Variants in ESRRB observed in about 807,000 individuals in gnomAD.
ESRRB encodes the protein estrogen related receptor beta, also known as steroid hormone receptor ERR2.
A neutral mutation model predicts 46.0 loss-of-function variants in ESRRB; 16 were observed. That is an observed-to-expected ratio of 0.35 (90% CI 0.24 to 0.53). The LOEUF is 0.53. ESRRB is among the 20% of genes least tolerant of loss of function. The pLI, the probability that ESRRB is intolerant of heterozygous loss-of-function variation, is 0.93. For missense variants in ESRRB, 488 were observed against 607.4 expected (o/e 0.80, Z 2.07); for synonymous variants, 246 against 259.6 (o/e 0.95, Z 0.50).
intron 1 of ESRRB, among the ~76,000 whole-genome samples, chr14:76,338,614 G>T (rs1056394370): frequency 1.3e-5 from 2 of 152,214 alleles, no homozygotes; most frequent in African/African-American, 2.4e-5. Flanking sequence ...AGCTTATTTT[G>T]TGTTCCTTTA....
chr14:76,455,936 C>A (rs1847694534), intron 2 of ESRRB, among the ~76,000 whole-genome samples: 1 of 151,718 alleles, frequency 6.6e-6, no homozygotes, highest in South Asian at 2.1e-4. Flanking sequence ...CCCAGCTACT[C>A]AGGAGGCTGA....
At chr14:76,373,739 C>G (rs1366940696), upstream of ESRRB, among the ~76,000 whole-genome samples, 1 of 152,210 alleles carries the variant, frequency 6.6e-6, no homozygotes. Flanking sequence ...GCTGAGAAGG[C>G]CTAGGTCTCT....
chr14:76,365,574 T>G (rs906430249), intron 1 of ESRRB, among the ~76,000 whole-genome samples: 3 of 152,200 alleles, frequency 2.0e-5, no homozygotes, highest in Non-Finnish European at 4.4e-5. Flanking sequence ...ACACAAAGTG[T>G]GCCTAAGCGA....
rs543066637 is a variant in ESRRB at position 76,475,587 on chromosome 14, CT to C, written c.578-6425del. 2.2e-3 allele frequency among the ~76,000 whole-genome samples: 334 copies of C among 152,250 alleles called. 4 individuals carry two copies. The highest frequency in any genetic ancestry group is 6.8e-3 in the Middle Eastern group (2 of 294). On this transcript the variant is annotated intron_variant, in intron 3 of 6. Coordinates refer to ENST00000644823, the MANE Select transcript of ESRRB (RefSeq NM_001379180.1). ...CCACGGACACTTGGGTTGTTTCCACCTTTTGGCCATTGTGATTATGCTGCAG... is the reference window on the plus strand; with the variant it reads ...CCACGGACACTTGGGTTGTTTCCACCTTTGGCCATTGTGATTATGCTGCAG...
chr14:76,323,015 G>A (rs1595044218), intron 1 of ESRRB, among the ~76,000 whole-genome samples: 1 of 152,298 alleles, frequency 6.6e-6, no homozygotes, highest in East Asian at 1.9e-4. Flanking sequence ...TTCACTTTCT[G>A]TCCAGGGGCT....
rs558005267 is a variant in ESRRB, at chr14:76,379,988, G to A, written c.50+3537G>A. On this transcript the variant is annotated intron_variant, in intron 1 of 6. Coordinates refer to ENST00000644823, the MANE Select transcript of ESRRB (RefSeq NM_001379180.1). Reference sequence around the variant, plus strand: ...GAGAGGAGGGGCAGAGGGGACTTTCGGGGAAAGCACTTCAAAGGAGGTGGC... The same window carrying A: ...GAGAGGAGGGGCAGAGGGGACTTTCAGGGAAAGCACTTCAAAGGAGGTGGC... 6.6e-5 allele frequency among the ~76,000 whole-genome samples: 10 copies of A among 151,934 alleles called. No individual in the cohort carries two copies. In the East Asian group the frequency reaches 1.7e-3, roughly 26 times the overall value.
At chr14:76,441,555 A>T (rs1360975255) in intron 2 of ESRRB, among the ~76,000 whole-genome samples, 1 of 152,108 alleles carries the variant, frequency 6.6e-6, no homozygotes, top group Non-Finnish European at 1.5e-5. Flanking sequence ...CAAATGATCC[A>T]CTTGGGCCCA....
chr14:76,491,763 A>G, intron 6 of ESRRB, 47 bp downstream of exon 6: 4 of 1,525,586 alleles, frequency 2.6e-6, no homozygotes, highest in Non-Finnish European at 3.5e-6. Flanking sequence ...AGGGCTCTGC[A>G]TGGGCCTAAT....
chr14:76,435,311 G>A (rs572802123), intron 1 of ESRRB, among the ~76,000 whole-genome samples: 2 of 152,352 alleles, frequency 1.3e-5, no homozygotes, highest in African/African-American at 4.8e-5. Context: ...CAGAGGCACC[G>A]CAGCAGTGCC....
intron 1 of ESRRB, among the ~76,000 whole-genome samples, chr14:76,333,724 T>G (rs1884092470): frequency 6.6e-6 from 1 of 151,910 alleles, no homozygotes; most frequent in Admixed American, 6.6e-5. Flanking sequence ...GACATATAGG[T>G]AATATTAAAA....
chr14:76,333,445 A>ATTTATATCATATATATATT (rs71122527), intron 1 of ESRRB, among the ~76,000 whole-genome samples: 2 of 130,008 alleles, frequency 1.5e-5, no homozygotes, highest in African/African-American at 2.9e-5. Flanking sequence ...TATATGATAT[A>ATTTATATCATATATATATT]TAAGTATATC....
intron 1 of ESRRB, among the ~76,000 whole-genome samples, chr14:76,409,464 C>T (rs866477335): frequency 1.3e-5 from 2 of 152,148 alleles, no homozygotes; most frequent in East Asian, 1.9e-4. Flanking sequence ...GCCGTGGCGA[C>T]GGTCTTCCTC....
intron 2 of ESRRB, among the ~76,000 whole-genome samples, chr14:76,459,087 T>G (rs1000180091): frequency 1.3e-5 from 2 of 152,142 alleles, no homozygotes; most frequent in African/African-American, 4.8e-5. Context: ...TCAGATGATC[T>G]GACTGCCTGG....
chr14:76,322,738 C>A (rs1047260359), intron 1 of ESRRB, among the ~76,000 whole-genome samples: 3 of 152,156 alleles, frequency 2.0e-5, no homozygotes, highest in African/African-American at 7.2e-5. Flanking sequence ...GGGAGTGAGA[C>A]GTGGGCAGTG....
chr14:76,394,976 G>A (rs1483388859), intron 1 of ESRRB, among the ~76,000 whole-genome samples: 1 of 152,194 alleles, frequency 6.6e-6, no homozygotes, highest in Non-Finnish European at 1.5e-5. Context: ...CTGGCCGTCT[G>A]GGCGAGGTGG....
chr14:76,408,399 C>A (rs1326224102), intron 1 of ESRRB, among the ~76,000 whole-genome samples: 4 of 151,864 alleles, frequency 2.6e-5, no homozygotes, highest in Admixed American at 6.6e-5. Flanking sequence ...AGCAACATGG[C>A]AAGACTCTGT....
intron 3 of ESRRB, among the ~76,000 whole-genome samples, chr14:76,476,967 C>T (rs1031723224): frequency 2.0e-5 from 3 of 152,240 alleles, no homozygotes; most frequent in Non-Finnish European, 4.4e-5. Flanking sequence ...TGGCACGCAC[C>T]TGTGGTCCCA....
At chr14:76,491,748 C>T (rs1245977226) in intron 6 of ESRRB, 32 bp downstream of exon 6, 7 of 1,551,252 alleles carry the variant, frequency 4.5e-6, no homozygotes, top group Non-Finnish European at 6.1e-6. Context: ...GGAAGGGGAG[C>T]TTCTAGGGCT....
intron 1 of ESRRB, among the ~76,000 whole-genome samples, chr14:76,434,027 C>T (rs148617825): frequency 0.011 from 1,565 of 148,904 alleles, 15 homozygotes; most frequent in Non-Finnish European, 0.015. Context: ...GGCACAATCT[C>T]GGCTCACTGC....
Sources: allele counts gnomAD v4.1 joint callset (sites outside exome capture counted in the v4.1 genomes callset), GRCh38; gene constraint gnomAD v4.1.1; transcripts MANE v1.5; gene names NCBI Gene and HGNC (gene_info 2026-07-23, HGNC 2026-07-21).